Variants in SLC24A2 observed in about 807,000 individuals in gnomAD.
SLC24A2 encodes sodium/potassium/calcium exchanger 2.
Under a neutral mutation model 62.0 loss-of-function variants are expected in SLC24A2, and 36 were observed. The ratio of observed to expected loss-of-function variants is 0.58; its 90% CI spans 0.44 to 0.77. The LOEUF (loss-of-function observed/expected upper bound fraction) is 0.77. SLC24A2 is among the 30% of genes least tolerant of loss of function. SLC24A2 has a pLI of 0.00. For missense variants in SLC24A2, 846 were observed against 817.9 expected, an observed-to-expected ratio of 1.03 and a Z score of -0.42; for synonymous variants, 358 against 294.0, an observed-to-expected ratio of 1.22 and a Z score of -2.23.
intron 7 of SLC24A2, among the ~76,000 whole-genome samples, chr9:19,551,570 C>A (rs529710983): frequency 2.6e-5 from 4 of 152,154 alleles, no homozygotes; most frequent in South Asian, 4.1e-4. Flanking sequence ...TCAACAGGAA[C>A]TTTTCCACTG....
At chr9:19,979,028 G>C in the SLC24A2 span, among the ~76,000 whole-genome samples, 1 of 152,112 alleles carries the variant, frequency 6.6e-6, no homozygotes, top group Non-Finnish European at 1.5e-5. Context: ...TTTTTTAAGT[G>C]GTAAATTAGA....
chr9:20,296,486 G>C, the SLC24A2 span, among the ~76,000 whole-genome samples: 1 of 152,202 alleles, frequency 6.6e-6, no homozygotes, highest in Non-Finnish European at 1.5e-5. Flanking sequence ...TGTTGACTTT[G>C]TGTGTAAGCA....
intron 5 of SLC24A2, among the ~76,000 whole-genome samples, chr9:19,586,878 A>T (rs145899367): frequency 2.0e-5 from 3 of 152,166 alleles, no homozygotes; most frequent in Non-Finnish European, 4.4e-5. Flanking sequence ...TTATTCTCAG[A>T]TTTGATTTCT....
At chr9:19,781,687 G>GT (rs1823025540) in intron 2 of SLC24A2, among the ~76,000 whole-genome samples, 1 of 152,114 alleles carries the variant, frequency 6.6e-6, no homozygotes, top group African/African-American at 2.4e-5. Flanking sequence ...TAATGCCTAA[G>GT]TTTTTTTCTT....
At chr9:20,150,374 ATT>A in the SLC24A2 span, among the ~76,000 whole-genome samples, 1 of 152,000 alleles carries the variant, frequency 6.6e-6, no homozygotes, top group African/African-American at 2.4e-5. Flanking sequence ...TCATGGATTT[ATT>A]GTTCTTCAAT....
chr9:19,557,176 G>C (rs767379933), intron 7 of SLC24A2, among the ~76,000 whole-genome samples: 6 of 152,116 alleles, frequency 3.9e-5, no homozygotes, highest in Non-Finnish European at 8.8e-5. Flanking sequence ...ACTTTCCTCA[G>C]TTCTAAAAAT....
the SLC24A2 span, among the ~76,000 whole-genome samples, chr9:19,886,437 A>T: frequency 1.3e-5 from 2 of 152,126 alleles, no homozygotes; most frequent in African/African-American, 4.8e-5. Flanking sequence ...TTTATATGGC[A>T]AACAAACATA....
chr9:19,876,365 CGT>C, the SLC24A2 span, among the ~76,000 whole-genome samples: 25,336 of 145,372 alleles, frequency 0.17, 2,471 homozygotes, highest in African/African-American at 0.29. Flanking sequence ...TTATTGAAGG[CGT>C]GTGTGTGTGT....
chr9:19,925,743 G>C, the SLC24A2 span, among the ~76,000 whole-genome samples: 1 of 152,170 alleles, frequency 6.6e-6, no homozygotes, highest in African/African-American at 2.4e-5. Context: ...ATGTGACAGG[G>C]TTCCTTCTCT....
chr9:20,083,930 C>A, the SLC24A2 span, among the ~76,000 whole-genome samples: 1 of 152,244 alleles, frequency 6.6e-6, no homozygotes, highest in Non-Finnish European at 1.5e-5. Flanking sequence ...ACACTGTTAG[C>A]TCTGAGCCAA....
the SLC24A2 span, among the ~76,000 whole-genome samples, chr9:20,192,589 C>G: frequency 6.6e-6 from 1 of 152,034 alleles, no homozygotes; most frequent in Non-Finnish European, 1.5e-5. Context: ...ATTTTTAAAC[C>G]AGCCTCCAGG....
chr9:19,754,589 G>A, intron 2 of SLC24A2, among the ~76,000 whole-genome samples: 1 of 151,998 alleles, frequency 6.6e-6, no homozygotes, highest in East Asian at 1.9e-4. Context: ...GGATTTAGAA[G>A]GTGAAAGTCA....
chr9:19,742,578 A>G (rs768970005), intron 2 of SLC24A2, among the ~76,000 whole-genome samples: 2 of 152,162 alleles, frequency 1.3e-5, no homozygotes, highest in East Asian at 3.8e-4. Flanking sequence ...TTTTTTAAGT[A>G]TAGGAAGGTT....
intron 2 of SLC24A2, among the ~76,000 whole-genome samples, chr9:19,735,936 A>G (rs1390908581): frequency 1.3e-5 from 2 of 152,164 alleles, no homozygotes; most frequent in Non-Finnish European, 2.9e-5. Flanking sequence ...CAGCACAACA[A>G]CATGGCACAT....
the SLC24A2 span, among the ~76,000 whole-genome samples, chr9:19,826,404 A>G: frequency 1.3e-5 from 2 of 152,138 alleles, no homozygotes; most frequent in Non-Finnish European, 1.5e-5. Flanking sequence ...GACTTGAGGT[A>G]TTTGTGAGAG....
At chr9:19,992,836 G>C in the SLC24A2 span, among the ~76,000 whole-genome samples, 1 of 152,214 alleles carries the variant, frequency 6.6e-6, no homozygotes, top group African/African-American at 2.4e-5. Flanking sequence ...GGGTGTGAAT[G>C]TCAGAGCTGG....
chr9:19,941,598 A>T, the SLC24A2 span, among the ~76,000 whole-genome samples: 161 of 125,352 alleles, frequency 1.3e-3, 1 homozygote, highest in African/African-American at 4.2e-3. Context: ...TGTGAGAGAG[A>T]GAGAGAGAGA....
the SLC24A2 span, among the ~76,000 whole-genome samples, chr9:19,964,524 C>T: frequency 2.6e-5 from 4 of 152,152 alleles, no homozygotes; most frequent in Non-Finnish European, 5.9e-5. Context: ...GGACTTCCTG[C>T]CTGGGCAAAT....
the SLC24A2 span, among the ~76,000 whole-genome samples, chr9:19,810,482 A>G: frequency 6.6e-6 from 1 of 152,248 alleles, no homozygotes; most frequent in African/African-American, 2.4e-5. Flanking sequence ...TGTATCAGGA[A>G]CATGAAGAAC....
Sources: allele counts gnomAD v4.1 joint callset (sites outside exome capture counted in the v4.1 genomes callset), GRCh38; gene constraint gnomAD v4.1.1; transcripts MANE v1.5; gene names NCBI Gene and HGNC (gene_info 2026-07-23, HGNC 2026-07-21).